PHACTR1: variants seen among roughly 807,000 people sequenced by gnomAD.
PHACTR1 encodes phosphatase and actin regulator 1, also known as RPEL repeat containing 1.
In PHACTR1, 16 loss-of-function variants were observed where a neutral mutation model predicts 69.2. That is an observed-to-expected ratio of 0.23 (90% CI 0.16 to 0.35). The LOEUF (loss-of-function observed/expected upper bound fraction) is 0.35, where lower values mean the gene tolerates loss of function less well. PHACTR1 is among the 10% of genes least tolerant of loss of function. The pLI is 1.00. For synonymous variants in PHACTR1, 312 were observed against 284.5 expected, an observed-to-expected ratio of 1.10 and a Z score of -0.97; for missense variants, 510 against 734.7, an observed-to-expected ratio of 0.69 and a Z score of 3.54.
chr6:12,736,476 A>G (rs897837646), intron 3 of PHACTR1, among the ~76,000 whole-genome samples: 1 of 152,196 alleles, frequency 6.6e-6, no homozygotes, highest in Non-Finnish European at 1.5e-5. Context: ...ACTGCCAGTA[A>G]GTCTAGGACA....
chr6:12,948,191 T>C (rs1790884854), intron 4 of PHACTR1, among the ~76,000 whole-genome samples: 1 of 152,198 alleles, frequency 6.6e-6, no homozygotes, highest in Non-Finnish European at 1.5e-5. Context: ...ACTGAGACAG[T>C]TGAAAACACC....
At chr6:12,811,880 G>A (rs1021127396) in intron 4 of PHACTR1, among the ~76,000 whole-genome samples, 1 of 152,140 alleles carries the variant, frequency 6.6e-6, no homozygotes, top group African/African-American at 2.4e-5. Flanking sequence ...TCAGCTCGTG[G>A]TAAGATTTCA....
intron 10 of PHACTR1, among the ~76,000 whole-genome samples, chr6:13,242,083 A>AG (rs1447390807): frequency 6.6e-6 from 1 of 151,860 alleles, no homozygotes; most frequent in African/African-American, 2.4e-5. Flanking sequence ...TTGCCCTAAC[A>AG]GGAAAATCCT....
intron 4 of PHACTR1, among the ~76,000 whole-genome samples, chr6:12,828,501 T>C (rs1468547434): frequency 6.6e-6 from 1 of 152,188 alleles, no homozygotes; most frequent in Non-Finnish European, 1.5e-5. Flanking sequence ...TTGTTTCTTT[T>C]ATTCGTAATA....
intron 4 of PHACTR1, among the ~76,000 whole-genome samples, chr6:12,796,543 A>T (rs966977193): frequency 1.3e-5 from 2 of 152,216 alleles, no homozygotes; most frequent in Non-Finnish European, 2.9e-5. Context: ...TCTTTAATTG[A>T]TAACCAATTT....
At chr6:12,933,828 C>T (rs1200990158) in intron 4 of PHACTR1, 5 of 1,612,616 alleles carry the variant, frequency 3.1e-6, no homozygotes, top group African/African-American at 1.3e-5. Context: ...GGTATGAGCC[C>T]TGTTCAAGGA....
chr6:12,872,877 AT>A lies in PHACTR1; in HGVS notation c.250+123093del, dbSNP rs151032209. Reference sequence around the variant, plus strand: ...CATTTTTCTCTTTATTTCTAAATATATTTTTTAGTTCCTTCCTTACATCAAT... The same window carrying A: ...CATTTTTCTCTTTATTTCTAAATATATTTTTAGTTCCTTCCTTACATCAAT... On this transcript the variant is annotated intron_variant, in intron 4 of 14. Transcript: ENST00000332995. Among the ~76,000 whole-genome samples, 728 of 152,120 alleles carry A rather than the reference AT, an allele frequency of 4.8e-3. 2 individuals carry two copies. Among genetic ancestry groups the A allele is most frequent in the African/African-American group, 0.017 (696 of 41,500 alleles).
intron 4 of PHACTR1, among the ~76,000 whole-genome samples, chr6:13,018,944 T>C (rs142196974): frequency 6.6e-6 from 1 of 152,114 alleles, no homozygotes; most frequent in African/African-American, 2.4e-5. Context: ...AGAGGCAAAA[T>C]CATGGTTCAG....
intron 4 of PHACTR1, among the ~76,000 whole-genome samples, chr6:12,876,860 G>A (rs754999389): frequency 1.1e-4 from 17 of 152,282 alleles, no homozygotes; most frequent in Admixed American, 2.0e-4. Flanking sequence ...AGCTGGTGGC[G>A]TAATTCAGTC....
At chr6:12,972,295 G>C (rs1424456461) in intron 4 of PHACTR1, among the ~76,000 whole-genome samples, 1 of 152,170 alleles carries the variant, frequency 6.6e-6, no homozygotes, top group Non-Finnish European at 1.5e-5. Flanking sequence ...CTGCCGCCTT[G>C]AAATTGGGTG....
intron 7 of PHACTR1, among the ~76,000 whole-genome samples, chr6:13,187,004 C>T (rs963036868): frequency 6.6e-6 from 1 of 152,182 alleles, no homozygotes; most frequent in Non-Finnish European, 1.5e-5. Context: ...AAGGAACATG[C>T]AGCCTGGATT....
intron 5 of PHACTR1, among the ~76,000 whole-genome samples, chr6:13,073,034 A>G (rs1273234619): frequency 6.6e-6 from 1 of 152,086 alleles, no homozygotes; most frequent in Non-Finnish European, 1.5e-5. Context: ...TTTGTAGTTT[A>G]TTATACTCCT....
chr6:13,170,901 G>A lies in PHACTR1; in HGVS notation c.496+10617G>A, dbSNP rs368390105. 3.2e-4 allele frequency among the ~76,000 whole-genome samples: 49 copies of A among 152,216 alleles called. No individual in the cohort carries two copies. In the South Asian group the frequency reaches 3.9e-3, roughly 12 times the overall value. On this transcript the variant is annotated intron_variant, in intron 6 of 14. Coordinates refer to ENST00000332995, the MANE Select transcript of PHACTR1 (RefSeq NM_030948.6). ...GATTGAAGGCAGTCTGTTACCAACC[G>A]GGTGATCCTCCTAGAGTCTCTGGGA...
rs377215116 is a variant in PHACTR1, at chr6:12,719,124, C to T, written c.103+277C>T. On this transcript the variant is annotated intron_variant, in intron 3 of 14. Transcript: ENST00000332995. Reference sequence around the variant, plus strand: ...ATGATTTCCTACCACCTGTGTCCAACACTTATGTCCAAAAAGAATCAAGAA... The same window carrying T: ...ATGATTTCCTACCACCTGTGTCCAATACTTATGTCCAAAAAGAATCAAGAA... Among the ~76,000 whole-genome samples, 10 of 152,192 alleles carry T rather than the reference C, an allele frequency of 6.6e-5. No homozygotes were observed. In the East Asian group the frequency reaches 9.6e-4, roughly 15 times the overall value.
chr6:12,955,379 A>AT (rs1331764941), intron 4 of PHACTR1, among the ~76,000 whole-genome samples: 1 of 151,214 alleles, frequency 6.6e-6, no homozygotes, highest in Non-Finnish European at 1.5e-5. Context: ...TTTAAAAAAA[A>AT]TTTTTTATAG....
chr6:12,897,336 C>T (rs951238681), intron 4 of PHACTR1, among the ~76,000 whole-genome samples: 15 of 152,198 alleles, frequency 9.9e-5, no homozygotes, highest in Admixed American at 1.3e-4. Flanking sequence ...TTCATCCTCC[C>T]GCTTTAAGCC....
At chr6:12,886,259 T>TAA (rs11403252) in intron 4 of PHACTR1, among the ~76,000 whole-genome samples, 2,314 of 148,284 alleles carry the variant, frequency 0.016, 31 homozygotes, top group South Asian at 0.058. Flanking sequence ...GTTTGATTGT[T>TAA]AAAAAAAAAA....
chr6:13,267,024 ACCT>A (rs1337722801), intron 10 of PHACTR1: 1 of 151,962 alleles, frequency 6.6e-6, no homozygotes, highest in East Asian at 1.9e-4. Context: ...GCCTTTCCTG[ACCT>A]CCTGATTTGG....
chr6:12,854,963 G>A (rs976812484), intron 4 of PHACTR1, among the ~76,000 whole-genome samples: 2 of 152,196 alleles, frequency 1.3e-5, no homozygotes, highest in Non-Finnish European at 2.9e-5. Context: ...AGCCCCTGTG[G>A]AAAGCAGTTT....
Sources: allele counts gnomAD v4.1 joint callset (sites outside exome capture counted in the v4.1 genomes callset), GRCh38; gene constraint gnomAD v4.1.1; transcripts MANE v1.5; gene names NCBI Gene and HGNC (gene_info 2026-07-23, HGNC 2026-07-21).